The following C2CD3 variants were observed in gnomAD, a reference collection of about 807,000 sequenced individuals.
C2CD3 encodes C2 domain containing 3 centriole elongation regulator.
In C2CD3, 148 loss-of-function variants were observed where a neutral mutation model predicts 234.0. That is an observed-to-expected ratio of 0.63 (90% CI 0.55 to 0.72). The LOEUF (loss-of-function observed/expected upper bound fraction) is 0.72, where lower values mean the gene tolerates loss of function less well. Ranked by LOEUF, C2CD3 falls within the 30% of genes least tolerant of loss-of-function variation. The pLI is 0.00. For missense variants in C2CD3, 2,577 were observed against 2,811.5 expected (o/e 0.92, Z 1.89); for synonymous variants, 1,000 against 1,035.4 (o/e 0.97, Z 0.66).
At chr11:74,040,283 C>T (rs566856064) in intron 29 of C2CD3, among the ~76,000 whole-genome samples, 27 of 152,274 alleles carry the variant, frequency 1.8e-4, no homozygotes, top group African/African-American at 5.5e-4. Context: ...ACCCCCCACC[C>T]CCAACCCCAC....
chr11:74,071,056 T>C (rs1014611587), intron 24 of C2CD3, among the ~76,000 whole-genome samples: 1 of 152,204 alleles, frequency 6.6e-6, no homozygotes, highest in East Asian at 1.9e-4. Flanking sequence ...TCCTCTTTCA[T>C]ATCGTTTATT....
chr11:74,127,048 C>A (rs1032037500), intron 7 of C2CD3, among the ~76,000 whole-genome samples: 3 of 152,200 alleles, frequency 2.0e-5, no homozygotes, highest in Non-Finnish European at 4.4e-5. Flanking sequence ...TGCTCTACAA[C>A]CCAGGCTGGA....
In C2CD3 at chr11:74,042,098, G is replaced by A; in HGVS notation, c.5616C>T (p.Thr1872=). The A allele has an allele frequency of 1.2e-6, 2 of 1,613,998 alleles. No individual in the cohort carries two copies. Among genetic ancestry groups the A allele is most frequent in the Non-Finnish European group, 1.7e-6 (2 of 1,179,978 alleles). Residue 1872 remains threonine (T), a synonymous_variant, in exon 29 of 33, where the codon ACC becomes ACT. Coordinates refer to ENST00000334126, the MANE Select transcript of C2CD3 (RefSeq NM_001286577.2). ...AGGTTTGGGAGGACAAAGGTGATGT[G>A]GTCAGTTTGTCATCACATGGCAAGG... ...EAPLPCDDKL[T]TSPLSSQTSI...
intron 25 of C2CD3, among the ~76,000 whole-genome samples, chr11:74,055,822 T>C (rs1166641827): frequency 1.3e-5 from 2 of 152,236 alleles, no homozygotes; most frequent in South Asian, 2.1e-4. Flanking sequence ...GCCAACAGAC[T>C]ATGTAGCCTC....
chr11:74,119,461 T>G (rs560885441), intron 8 of C2CD3, among the ~76,000 whole-genome samples: 1 of 152,172 alleles, frequency 6.6e-6, no homozygotes, highest in African/African-American at 2.4e-5. Flanking sequence ...AAAAAAGACA[T>G]AAAGCTTGCT....
intron 22 of C2CD3, among the ~76,000 whole-genome samples, chr11:74,082,621 C>G (rs1218692656): frequency 6.6e-6 from 1 of 152,048 alleles, no homozygotes; most frequent in African/African-American, 2.4e-5. Flanking sequence ...AGCCTTGCAT[C>G]CCAGGGATGA....
rs1406949104 is a variant in C2CD3, at chr11:74,090,836, G to C, written c.3618C>G (p.Ala1206=). The C allele has an allele frequency of 1.9e-6, 3 of 1,613,998 alleles. No homozygotes were observed. The highest frequency in any genetic ancestry group is 4.5e-5 in the East Asian group (2 of 44,886). ...TVSISVQIIR[A]CGLQAAAKAL... ...ACTTGGCTGCTGCTTGCAGACCACA[G>C]GCTCTGATAATCTGGACTGAGATGG... The change falls in exon 20 of 33, where the codon GCC becomes GCG. Residue 1206 remains alanine (A), a synonymous_variant. Coordinates refer to ENST00000334126, the MANE Select transcript of C2CD3 (RefSeq NM_001286577.2).
At chr11:74,130,781 C>A (rs982523191) in intron 7 of C2CD3, among the ~76,000 whole-genome samples, 1 of 151,950 alleles carries the variant, frequency 6.6e-6, no homozygotes, top group Non-Finnish European at 1.5e-5. Flanking sequence ...AAGTGTGAGT[C>A]CTACTTTCTT....
At chr11:74,161,692 T>A (rs1406996094) in intron 2 of C2CD3, 136 bp from the exon 3 acceptor site, 1 of 465,208 alleles carries the variant, frequency 2.1e-6, no homozygotes, top group Non-Finnish European at 3.7e-6. Context: ...CACCATTGCA[T>A]TGGTGAAAGT....
intron 8 of C2CD3, among the ~76,000 whole-genome samples, chr11:74,122,031 A>G (rs1957236065): frequency 6.6e-6 from 1 of 151,810 alleles, no homozygotes; most frequent in African/African-American, 2.4e-5. Context: ...TTCCTAGAAC[A>G]CTCTTGTGAT....
intron 31 of C2CD3, among the ~76,000 whole-genome samples, chr11:74,030,792 C>T (rs1368858316): frequency 2.6e-5 from 4 of 152,156 alleles, no homozygotes; most frequent in Admixed American, 1.3e-4. Flanking sequence ...ATGCCCCAAA[C>T]GGCAATCTGC....
At chr11:74,162,813 C>G (rs1307381036) in intron 2 of C2CD3, among the ~76,000 whole-genome samples, 1 of 152,204 alleles carries the variant, frequency 6.6e-6, no homozygotes, top group Non-Finnish European at 1.5e-5. Context: ...TCTCAGTTTT[C>G]ATTCTCACCA....
intron 30 of C2CD3, among the ~76,000 whole-genome samples, chr11:74,036,753 T>A (rs1383015583): frequency 6.6e-6 from 1 of 152,178 alleles, no homozygotes; most frequent in Non-Finnish European, 1.5e-5. Flanking sequence ...TCACAGTAAG[T>A]GCCCCGGGTG....
chr11:74,124,458 A>G (rs752484581), intron 7 of C2CD3, among the ~76,000 whole-genome samples: 10 of 152,128 alleles, frequency 6.6e-5, no homozygotes, highest in South Asian at 2.1e-4. Context: ...GGACTGTCCT[A>G]TGCATTTCAG....
Position 74,139,783 on chromosome 11 carries a change from G to A in C2CD3, c.529C>T (p.His177Tyr). The A allele has an allele frequency of 6.2e-7, 1 of 1,613,566 alleles. No individual in the cohort carries two copies. Among genetic ancestry groups the A allele is most frequent in the Admixed American group, 1.7e-5 (1 of 59,996 alleles). The stretch of plus-strand genomic sequence containing the variant: ...GTCATGTCAGTGGTAGGAAGTGGAT[G>A]GTAGCTGTCGTAAGTTTCTGACAGA... ...EPLSETYDSY[H>Y]PLPTTDMTEN... The change falls in exon 4 of 33, where the codon CAT becomes TAT. Residue 177 changes from histidine (H) to tyrosine (Y), a missense_variant. Physicochemically the swap from His to Tyr is moderately conservative, Grantham distance 83. Transcript: ENST00000334126.
rs1449279450 is a variant in C2CD3 at position 74,103,461 on chromosome 11, G to A, written c.2250C>T (p.Asn750=). Residue 750 remains asparagine, a synonymous_variant, in exon 14 of 33, where the codon AAC becomes AAT. Coordinates refer to ENST00000334126, the MANE Select transcript of C2CD3 (RefSeq NM_001286577.2). ...TCTTTGCAGTTTCCTCATGAATTTG[G>A]TTTAAGTTTTGTGGATTTTTGGTAC... The part of the protein sequence containing the change: ...MTCTKNPQNL[N]QIHEETAKKA... The A allele has an allele frequency of 9.3e-6, 15 of 1,614,062 alleles. No individual in the cohort carries two copies. The highest frequency in any genetic ancestry group is 3.3e-5 in the South Asian group (3 of 91,084).
At chr11:74,132,218 C>T (rs1345173926) in intron 7 of C2CD3, among the ~76,000 whole-genome samples, 1 of 152,058 alleles carries the variant, frequency 6.6e-6, no homozygotes, top group East Asian at 1.9e-4. Context: ...AAAAGTGGTA[C>T]TGCATGCCTG....
At chr11:74,122,906 G>T in intron 8 of C2CD3, 82 bp downstream of exon 8, 1 of 634,618 alleles carries the variant, frequency 1.6e-6, no homozygotes, top group Non-Finnish European at 2.3e-6. Context: ...TATGTAAAAT[G>T]CATAGCTGTC....
chr11:74,055,047 G>A (rs826040), intron 25 of C2CD3, among the ~76,000 whole-genome samples: 7,000 of 152,272 alleles, frequency 0.046, 470 homozygotes, highest in African/African-American at 0.15. Flanking sequence ...GAAGGGAAGA[G>A]GAAGAGAAAA....
Sources: gnomAD v4.1 joint callset for allele counts (sites outside exome capture counted in the v4.1 genomes callset) on GRCh38, gnomAD v4.1.1 for gene constraint, MANE v1.5 for transcripts, NCBI Gene and HGNC (gene_info 2026-07-23, HGNC 2026-07-21) for gene names.